DGKH: variants seen among roughly 807,000 people sequenced by gnomAD.
DGKH encodes the protein diacylglycerol kinase eta, also known as DAG kinase eta.
In DGKH, 90 loss-of-function variants were observed where a neutral mutation model predicts 159.3. The observed-to-expected ratio is 0.57, with a 90% confidence interval of 0.48 to 0.67. The LOEUF is 0.67. DGKH is among the 30% of genes least tolerant of loss of function. The pLI is 0.00. For missense variants in DGKH, 1,181 were observed against 1,506.1 expected (o/e 0.78, Z 3.57); for synonymous variants, 536 against 553.8 (o/e 0.97, Z 0.45).
At chr13:42,247,377 T>C (rs1958590005), downstream of DGKH, among the ~76,000 whole-genome samples, 1 of 151,938 alleles carries the variant, frequency 6.6e-6, no homozygotes, top group Non-Finnish European at 1.5e-5. Flanking sequence ...ACTACCAGTG[T>C]GCGCCACCAT....
intron 1 of DGKH, among the ~76,000 whole-genome samples, chr13:42,057,768 A>G (rs966144778): frequency 6.6e-6 from 1 of 152,232 alleles, no homozygotes; most frequent in Non-Finnish European, 1.5e-5. Flanking sequence ...GAACTTGTAA[A>G]TACTTGAAAC....
chr13:42,076,523 A>G (rs1167756131), intron 1 of DGKH, among the ~76,000 whole-genome samples: 3 of 152,202 alleles, frequency 2.0e-5, no homozygotes, highest in Non-Finnish European at 2.9e-5. Flanking sequence ...AGTGTTGTGT[A>G]AGAAAACATC....
downstream of DGKH, among the ~76,000 whole-genome samples, chr13:42,244,432 CAGTG>C (rs1315519777): frequency 6.6e-6 from 1 of 152,230 alleles, no homozygotes; most frequent in Non-Finnish European, 1.5e-5. Context: ...CTGGCAGCAA[CAGTG>C]AGCAAAACAG....
chr13:42,163,550 C>G (rs2137994191), intron 7 of DGKH, among the ~76,000 whole-genome samples: 1 of 152,246 alleles, frequency 6.6e-6, no homozygotes, highest in East Asian at 1.9e-4. Context: ...TAATGATTGC[C>G]ATTCTAACGG....
intron 1 of DGKH, among the ~76,000 whole-genome samples, chr13:42,081,233 AT>A (rs113809956): frequency 6.1e-5 from 9 of 147,554 alleles, no homozygotes; most frequent in East Asian, 2.0e-4. Flanking sequence ...TTTCTCTCCT[AT>A]TTTTTTTTTC....
At chr13:42,249,678 G>A (rs912751390) in intron 29 of DGKH, among the ~76,000 whole-genome samples, 2 of 152,160 alleles carry the variant, frequency 1.3e-5, no homozygotes, top group African/African-American at 4.8e-5. Flanking sequence ...AAAAACAGAT[G>A]TTGGCACATC....
intron 3 of DGKH, among the ~76,000 whole-genome samples, chr13:42,141,177 T>A (rs1955548686): frequency 6.6e-6 from 1 of 151,396 alleles, no homozygotes; most frequent in East Asian, 1.9e-4. Context: ...CCTGAGATAG[T>A]TTGCTGAGAA....
intron 3 of DGKH, among the ~76,000 whole-genome samples, chr13:42,151,615 C>CA (rs1470360892): frequency 4.8e-5 from 6 of 125,696 alleles, no homozygotes; most frequent in African/African-American, 1.8e-4. Context: ...ACACACACAC[C>CA]CCATGGAAAA....
At chr13:42,199,932 A>G in intron 20 of DGKH, 23 bp downstream of exon 20, 1 of 1,565,416 alleles carries the variant, frequency 6.4e-7, no homozygotes, top group Non-Finnish European at 8.7e-7. Context: ...TAAAGTAAAG[A>G]TATTTCATAT....
At chr13:42,087,044 A>AACACACACACACACACACACAC (rs71298957) in intron 1 of DGKH, among the ~76,000 whole-genome samples, 11 of 140,170 alleles carry the variant, frequency 7.8e-5, no homozygotes, top group East Asian at 4.1e-4. Flanking sequence ...CCAGAAGGAA[A>AACACACACACACACACACACAC]ACACACACAC....
At chr13:42,069,139 C>G in intron 1 of DGKH, 1 of 1,399,866 alleles carries the variant, frequency 7.1e-7, no homozygotes, top group Non-Finnish European at 1.0e-6. Flanking sequence ...TTCTCTCTCC[C>G]CAAGCTTCCC....
At chr13:42,085,630 A>G (rs910774017) in intron 1 of DGKH, among the ~76,000 whole-genome samples, 2 of 152,230 alleles carry the variant, frequency 1.3e-5, no homozygotes, top group African/African-American at 4.8e-5. Flanking sequence ...GGAAAAATGT[A>G]AAGTAGAAAT....
At chr13:42,118,168 G>C (rs1221029425) in intron 1 of DGKH, among the ~76,000 whole-genome samples, 8 of 152,124 alleles carry the variant, frequency 5.3e-5, no homozygotes, top group Admixed American at 5.2e-4. Context: ...AGTGAGCCCA[G>C]GTCGCACCAC....
At chr13:42,225,159 G>C in intron 29 of DGKH, 1 of 803,798 alleles carries the variant, frequency 1.2e-6, no homozygotes, top group Non-Finnish European at 1.9e-6. Context: ...CTGGCCTCAA[G>C]AGATCGGCCT....
At chr13:42,166,478 C>T (rs1479560086) in intron 8 of DGKH, 37 bp from the exon 9 acceptor site, 1 of 1,419,790 alleles carries the variant, frequency 7.0e-7, no homozygotes, top group Non-Finnish European at 9.3e-7. Flanking sequence ...AAAGAGAAAG[C>T]TGTATGTATT....
At position 42,168,832 on chromosome 13, in the gene DGKH, C is replaced by A. The variant is rs1401491258; in HGVS notation, c.1367+14C>A. ...AATGTTGGACAGGTAAAAGTAAATT[C>A]TTTTCTACAACTAGATGGAAAATGG... is the stretch of plus-strand genomic sequence containing the variant. On this transcript the variant is annotated intron_variant, in intron 11 of 29. Transcript: ENST00000337343. 4.4e-6 allele frequency: 7 copies of A among 1,602,444 alleles called. No individual in the cohort carries two copies. The African/African-American group carries it at 5.3e-5, about 12-fold the overall frequency.
chr13:42,051,267 CTA>C (rs1195378028), intron 1 of DGKH, among the ~76,000 whole-genome samples: 1 of 152,178 alleles, frequency 6.6e-6, no homozygotes, highest in African/African-American at 2.4e-5. Flanking sequence ...ACAATTTCTC[CTA>C]TGTTAGAGTG....
Position 42,221,293 on chromosome 13 carries a change from GC to G in DGKH, c.3473del (p.Ala1158ValfsTer44). 2.5e-6 allele frequency: 4 copies of G among 1,613,692 alleles called. No individual in the cohort carries two copies. The highest frequency in any genetic ancestry group is 3.4e-6 in the Non-Finnish European group (4 of 1,179,656). ...VQKWGTEEVA[A>X]WLDLLNLGEY... is the part of the protein sequence containing the mutation. ...GAAATGGGGCACAGAGGAAGTTGCT[GC>G]TTGGCTGGATCTGCTCAATTTGGGA... is the stretch of plus-strand genomic sequence containing the variant. On this transcript the variant is annotated frameshift_variant, in exon 29 of 30. Coordinates refer to ENST00000337343, the MANE Select transcript of DGKH (RefSeq NM_178009.5). LOFTEE classifies it high-confidence loss of function.
intron 28 of DGKH, among the ~76,000 whole-genome samples, chr13:42,220,436 A>C (rs1957937362): frequency 6.6e-6 from 1 of 152,226 alleles, no homozygotes; most frequent in Non-Finnish European, 1.5e-5. Context: ...GTATGCTAGT[A>C]CTAAAGCACC....
Sources: allele counts gnomAD v4.1 joint callset (sites outside exome capture counted in the v4.1 genomes callset), GRCh38; gene constraint gnomAD v4.1.1; transcripts MANE v1.5; gene names NCBI Gene and HGNC (gene_info 2026-07-23, HGNC 2026-07-21).